DMXL1: variants seen among roughly 807,000 people sequenced by gnomAD.
DMXL1 encodes the protein Dmx like 1.
Under a neutral mutation model 319.2 loss-of-function variants are expected in DMXL1, and 99 were observed. That is an observed-to-expected ratio of 0.31 (90% CI 0.26 to 0.37). The LOEUF is 0.37. Among genes scored for constraint, DMXL1 ranks in the 10% least tolerant of loss-of-function variants. The pLI, the probability that DMXL1 is intolerant of heterozygous loss-of-function variation, is 1.00. For synonymous variants in DMXL1, 1,385 were observed against 1,235.2 expected, an observed-to-expected ratio of 1.12 and a Z score of -2.54; for missense variants, 3,745 against 3,595.6, an observed-to-expected ratio of 1.04 and a Z score of -1.06.
At chr5:119,103,162 C>G (rs1757638844) in intron 3 of DMXL1, among the ~76,000 whole-genome samples, 1 of 151,292 alleles carries the variant, frequency 6.6e-6, no homozygotes. Context: ...GTCTATCTAG[C>G]TAGTTGGTCT....
At chr5:119,100,489 A>G (rs1184907128) in intron 2 of DMXL1, 1 of 151,604 alleles carries the variant, frequency 6.6e-6, no homozygotes, top group Non-Finnish European at 1.5e-5. Context: ...TTTTATTATT[A>G]CTGTTTTTTT....
chr5:119,193,865 A>G lies in DMXL1; in HGVS notation c.7352A>G (p.Asp2451Gly), dbSNP rs777703846. Residue 2451 changes from aspartate (D) to glycine (G), a missense_variant, in exon 30 of 44, where the codon GAT becomes GGT. Physicochemically the swap from Asp to Gly is moderately conservative, Grantham distance 94. This residue lies in a region of DMXL1 where 1,382 missense variants were observed against 1,269.5 expected (regional missense o/e 1.09). Transcript: ENST00000539542. ...TCTTCTCAAAGTAGAGCCGAATATG[A>G]TTCAGAGGAGAGTCTGGGAAGTGAT... is the stretch of plus-strand genomic sequence containing the variant. ...LPSSQSRAEY[D>G]SEESLGSDDD... The G allele has an allele frequency of 1.9e-6, 3 of 1,613,074 alleles. No homozygotes were observed. The African/African-American group carries it at 4.0e-5, about 22-fold the overall frequency.
chr5:119,239,127 CT>C (rs1788290436), intron 41 of DMXL1, 47 bp downstream of exon 41: 15 of 1,586,970 alleles, frequency 9.5e-6, no homozygotes, highest in South Asian at 1.1e-5. Context: ...TATAGCTGAA[CT>C]TTTTTTTATT....
intron 1 of DMXL1, 119 bp downstream of exon 1, chr5:119,071,775 AC>A: frequency 1.2e-6 from 1 of 845,514 alleles, no homozygotes; most frequent in Non-Finnish European, 1.8e-6. Flanking sequence ...GGGGGTCCTT[AC>A]CACCCAGAAC....
intron 1 of DMXL1, among the ~76,000 whole-genome samples, chr5:119,084,732 G>A (rs952626933): frequency 3.3e-5 from 5 of 151,974 alleles, no homozygotes; most frequent in African/African-American, 1.2e-4. Context: ...CGGCGTGGTG[G>A]CACATGCCTG....
At position 119,110,074 on chromosome 5, in the gene DMXL1, A is replaced by G. The variant is rs562904417; in HGVS notation, c.365-77A>G. ...TTGACTTTTTTTTAGAAGTTGTTTT[A>G]TATGAAATTCTTGAGCATGTAAATT... On this transcript the variant is annotated intron_variant, in intron 4 of 43. Transcript: ENST00000539542. The G allele has an allele frequency of 7.5e-6, 10 of 1,331,580 alleles. No homozygotes were observed. The African/African-American group carries it at 1.4e-4, about 19-fold the overall frequency. The allele number at this position is 1,331,580 out of a possible 1,614,324, so 82.5% of individuals were successfully genotyped here.
chr5:119,160,309 C>G (rs879568338), intron 19 of DMXL1, among the ~76,000 whole-genome samples: 13 of 152,066 alleles, frequency 8.5e-5, no homozygotes, highest in Non-Finnish European at 1.3e-4. Context: ...TTTTCAGGAG[C>G]ATGTTGTTTA....
At chr5:119,117,248 C>T (rs568348316) in intron 7 of DMXL1, among the ~76,000 whole-genome samples, 50 of 152,118 alleles carry the variant, frequency 3.3e-4, no homozygotes, top group Non-Finnish European at 5.0e-4. Flanking sequence ...GCCATGTTGC[C>T]CAGGCTTGTC....
chr5:119,096,100 C>A (rs1755889000), intron 1 of DMXL1, among the ~76,000 whole-genome samples: 1 of 151,848 alleles, frequency 6.6e-6, no homozygotes, highest in African/African-American at 2.4e-5. Context: ...TCTCTCAAGT[C>A]CCATTTTTAA....
chr5:119,233,291 C>G lies in DMXL1; in HGVS notation c.8339-49C>G. On this transcript the variant is annotated intron_variant, in intron 38 of 43. Transcript: ENST00000539542. ...ACATAGGATAAAGAAATAACTTTTC[C>G]CAAAGATTCTTGAAATAAATCTGCA... The G allele has an allele frequency of 5.7e-6, 9 of 1,574,366 alleles. 1 individual carries two copies. The Middle Eastern group carries it at 8.5e-4, about 148-fold the overall frequency.
chr5:119,225,431 T>C (rs748589653), intron 38 of DMXL1, among the ~76,000 whole-genome samples: 3 of 152,000 alleles, frequency 2.0e-5, no homozygotes, highest in Non-Finnish European at 2.9e-5. Flanking sequence ...CTCATACTGG[T>C]GTGTGAGTAT....
At chr5:119,212,123 C>G (rs758485470) in intron 34 of DMXL1, among the ~76,000 whole-genome samples, 1 of 152,160 alleles carries the variant, frequency 6.6e-6, no homozygotes, top group Non-Finnish European at 1.5e-5. Context: ...TACATTTACA[C>G]TGCTCTGCAA....
intron 4 of DMXL1, among the ~76,000 whole-genome samples, chr5:119,105,499 C>G (rs1025637318): frequency 6.6e-6 from 1 of 152,114 alleles, no homozygotes; most frequent in Non-Finnish European, 1.5e-5. Context: ...AGAGATATTT[C>G]TCTGGAGAAT....
At chr5:119,177,114 G>A (rs548086934) in intron 26 of DMXL1, among the ~76,000 whole-genome samples, 24 of 152,148 alleles carry the variant, frequency 1.6e-4, no homozygotes, top group African/African-American at 3.6e-4. Context: ...GTGGTACATA[G>A]CGATTTAGTT....
intron 33 of DMXL1, among the ~76,000 whole-genome samples, chr5:119,204,574 G>C (rs202014217): frequency 7.4e-5 from 6 of 80,774 alleles, no homozygotes; most frequent in African/African-American, 3.2e-4. Context: ...TTTTTTTTTT[G>C]TCATTTAGTT....
intron 1 of DMXL1, among the ~76,000 whole-genome samples, chr5:119,097,424 A>AT (rs1756219942): frequency 6.6e-6 from 1 of 152,198 alleles, no homozygotes. Flanking sequence ...TTCACTGGAG[A>AT]TGAAAAAAGT....
At chr5:119,120,949 A>G (rs745951510) in intron 8 of DMXL1, 22 bp from the exon 9 acceptor site, 1 of 1,590,294 alleles carries the variant, frequency 6.3e-7, no homozygotes, top group Non-Finnish European at 8.6e-7. Context: ...TATAGGTATT[A>G]GTTTTGTTTC....
At chr5:119,246,407 T>A (rs569388886) in intron 43 of DMXL1, among the ~76,000 whole-genome samples, 1 of 152,138 alleles carries the variant, frequency 6.6e-6, no homozygotes, top group Admixed American at 6.5e-5. Flanking sequence ...TCTGTAGCAT[T>A]GTACACTTAA....
chr5:119,142,638 A>G (rs1286049258), intron 13 of DMXL1, among the ~76,000 whole-genome samples: 3 of 152,080 alleles, frequency 2.0e-5, no homozygotes, highest in Non-Finnish European at 4.4e-5. Flanking sequence ...TGATTCCTCA[A>G]AGAGCTAAAA....
Sources: gnomAD v4.1 joint callset for allele counts (sites outside exome capture counted in the v4.1 genomes callset) on GRCh38, gnomAD v4.1.1 for gene constraint, gnomAD v4.1.1 regional missense constraint, MANE v1.5 for transcripts, NCBI Gene and HGNC (gene_info 2026-07-23, HGNC 2026-07-21) for gene names.